Variants in TOM1L2 observed in about 807,000 individuals in gnomAD.
TOM1L2 encodes the protein TOM1-like protein 2.
In TOM1L2, 31 loss-of-function variants were observed where a neutral mutation model predicts 67.9. The observed-to-expected ratio is 0.46, with a 90% CI of 0.34 to 0.62. The LOEUF is 0.62. TOM1L2 is among the 20% of genes least tolerant of loss of function. The pLI, the probability that TOM1L2 is intolerant of heterozygous loss-of-function variation, is 0.01. For synonymous variants in TOM1L2, 256 were observed against 254.0 expected, an observed-to-expected ratio of 1.01 and a Z score of -0.07; for missense variants, 606 against 663.5, an observed-to-expected ratio of 0.91 and a Z score of 0.95.
At chr17:17,873,004 A>G (rs2037232566) in intron 7 of TOM1L2, among the ~76,000 whole-genome samples, 3 of 152,240 alleles carry the variant, frequency 2.0e-5, no homozygotes, top group Admixed American at 2.0e-4. Context: ...ATCAGCACCT[A>G]AGGCCCACAG....
intron 1 of TOM1L2, among the ~76,000 whole-genome samples, chr17:17,966,406 TAAAGA>T (rs1568407119): frequency 6.6e-6 from 1 of 152,096 alleles, no homozygotes; most frequent in Non-Finnish European, 1.5e-5. Flanking sequence ...TGAAGAAAGA[TAAAGA>T]AAAGATTAAA....
intron 4 of TOM1L2, among the ~76,000 whole-genome samples, chr17:17,885,050 A>C (rs1051538421): frequency 6.6e-6 from 1 of 152,256 alleles, no homozygotes; most frequent in African/African-American, 2.4e-5. Context: ...ACACCTATGC[A>C]CGGTGGTGCA....
chr17:17,899,549 A>G (rs2038742575), intron 2 of TOM1L2, among the ~76,000 whole-genome samples: 1 of 152,204 alleles, frequency 6.6e-6, no homozygotes, highest in Non-Finnish European at 1.5e-5. Context: ...AAGTATACAT[A>G]TTACATGTAG....
intron 1 of TOM1L2, among the ~76,000 whole-genome samples, chr17:17,914,161 G>A (rs1413134487): frequency 1.3e-5 from 2 of 152,204 alleles, no homozygotes; most frequent in Non-Finnish European, 2.9e-5. Context: ...GGACAGAGGA[G>A]GGGTGTTCAG....
At chr17:17,971,288 A>T (rs1266298853) in intron 1 of TOM1L2, among the ~76,000 whole-genome samples, 1 of 152,166 alleles carries the variant, frequency 6.6e-6, no homozygotes, top group Non-Finnish European at 1.5e-5. Flanking sequence ...TTTGACAGAC[A>T]GGGGAACTTC....
intron 2 of TOM1L2, among the ~76,000 whole-genome samples, chr17:17,905,069 C>T (rs925329915): frequency 1.3e-5 from 2 of 152,136 alleles, no homozygotes; most frequent in African/African-American, 4.8e-5. Flanking sequence ...GTTAGGAGGA[C>T]GTGAGGAAGG....
At chr17:17,861,124 G>C (rs1391352328) in intron 12 of TOM1L2, among the ~76,000 whole-genome samples, 4 of 152,184 alleles carry the variant, frequency 2.6e-5, no homozygotes, top group Non-Finnish European at 5.9e-5. Context: ...GGAGAACTTG[G>C]GGCCACTGTG....
Position 17,846,001 on chromosome 17 carries a change from G to C in TOM1L2, c.*1634C>G, listed in dbSNP as rs1255368871. On this transcript the variant is annotated 3_prime_UTR_variant, in exon 15 of 15. Coordinates refer to ENST00000379504, the MANE Select transcript of TOM1L2 (RefSeq NM_001082968.2). ...GGTTTCCTCTCTGGAGGGAGCTGGAGGGCTGCTAGCCTGGCACAGGGTCCT... is the reference window on the plus strand; with the variant it reads ...GGTTTCCTCTCTGGAGGGAGCTGGACGGCTGCTAGCCTGGCACAGGGTCCT... 1 of 152,334 alleles carries C rather than the reference G, an allele frequency of 6.6e-6. No homozygotes were observed. Among genetic ancestry groups the C allele is most frequent in the East Asian group, 1.9e-4 (1 of 5,192 alleles). 9.4% of individuals were successfully genotyped at this position (152,334 alleles called of 1,614,324 possible).
intron 4 of TOM1L2, among the ~76,000 whole-genome samples, chr17:17,888,620 C>T (rs181772552): frequency 2.0e-5 from 3 of 152,300 alleles, no homozygotes; most frequent in Admixed American, 1.3e-4. Context: ...GAACACACAC[C>T]TCCAGTTTCT....
At chr17:17,879,848 T>TAGACTA in intron 6 of TOM1L2, 105 bp from the exon 7 acceptor site, 1 of 978,200 alleles carries the variant, frequency 1.0e-6, no homozygotes, top group Non-Finnish European at 1.6e-6. Context: ...TCCTTCTCAC[T>TAGACTA]GGGAGATCTG....
At chr17:17,867,695 C>T (rs2036935850) in intron 8 of TOM1L2, among the ~76,000 whole-genome samples, 1 of 152,340 alleles carries the variant, frequency 6.6e-6, no homozygotes, top group South Asian at 2.1e-4. Context: ...GAGCCTTAGA[C>T]ACCCAGCTTT....
intron 1 of TOM1L2, among the ~76,000 whole-genome samples, chr17:17,938,044 C>A (rs1333514423): frequency 6.6e-6 from 1 of 152,194 alleles, no homozygotes; most frequent in African/African-American, 2.4e-5. Context: ...TTGGAGGGCT[C>A]TCTCCAGAAC....
chr17:17,936,227 A>G (rs1375597124), intron 1 of TOM1L2, among the ~76,000 whole-genome samples: 2 of 151,996 alleles, frequency 1.3e-5, no homozygotes, highest in Admixed American at 6.6e-5. Context: ...CTCTGCCTGG[A>G]TATCTAGGAC....
At chr17:17,933,429 C>T (rs942374040) in intron 1 of TOM1L2, among the ~76,000 whole-genome samples, 20 of 152,104 alleles carry the variant, frequency 1.3e-4, no homozygotes, top group African/African-American at 2.4e-4. Context: ...AATCAGACTC[C>T]GTCAGAAAAG....
chr17:17,943,856 T>C (rs184494388), intron 1 of TOM1L2, among the ~76,000 whole-genome samples: 1 of 152,278 alleles, frequency 6.6e-6, no homozygotes, highest in African/African-American at 2.4e-5. Flanking sequence ...CACGTGAACA[T>C]CCAGAGCCCA....
intron 14 of TOM1L2, among the ~76,000 whole-genome samples, chr17:17,848,272 C>T (rs931748655): frequency 1.3e-5 from 2 of 152,150 alleles, no homozygotes; most frequent in Non-Finnish European, 1.5e-5. Context: ...CCCTGCGGAG[C>T]GGTCTGGCCA....
chr17:17,896,632 GC>G (rs1568199186), intron 3 of TOM1L2, among the ~76,000 whole-genome samples: 2 of 152,150 alleles, frequency 1.3e-5, no homozygotes, highest in Non-Finnish European at 2.9e-5. Flanking sequence ...CAGGACCCTG[GC>G]AGTTTTGTCC....
chr17:17,879,250 A>G (rs899806591), intron 7 of TOM1L2, among the ~76,000 whole-genome samples: 2 of 152,244 alleles, frequency 1.3e-5, no homozygotes, highest in Admixed American at 6.5e-5. Context: ...GCTCAACTAC[A>G]TTTAAAATAA....
intron 1 of TOM1L2, among the ~76,000 whole-genome samples, chr17:17,960,007 G>T (rs1468336378): frequency 6.6e-6 from 1 of 152,332 alleles, no homozygotes; most frequent in East Asian, 1.9e-4. Flanking sequence ...TTACTAAGAA[G>T]TGCCTCAGCG....
Sources: allele counts gnomAD v4.1 joint callset (sites outside exome capture counted in the v4.1 genomes callset), GRCh38; gene constraint gnomAD v4.1.1; transcripts MANE v1.5; gene names NCBI Gene and HGNC (gene_info 2026-07-23, HGNC 2026-07-21).